The following ADGRF3 variants were observed in gnomAD, a reference collection of about 807,000 sequenced individuals.
ADGRF3 encodes G protein-coupled receptor 113.
Under a neutral mutation model 93.2 loss-of-function variants are expected in ADGRF3, and 85 were observed. The observed-to-expected ratio is 0.91, with a 90% CI of 0.77 to 1.09. The LOEUF (loss-of-function observed/expected upper bound fraction) is 1.09, where lower values mean the gene tolerates loss of function less well. Among genes scored for constraint, ADGRF3 ranks in the 50% least tolerant of loss-of-function variants. The pLI is 0.00. For synonymous variants in ADGRF3, 534 were observed against 532.5 expected, an observed-to-expected ratio of 1.00 and a Z score of -0.04; for missense variants, 1,125 against 1,246.2, an observed-to-expected ratio of 0.90 and a Z score of 1.46.
At chr2:26,315,498 G>T in intron 5 of ADGRF3, 24 bp downstream of exon 5, 1 of 1,542,102 alleles carries the variant, frequency 6.5e-7, no homozygotes, top group Non-Finnish European at 8.8e-7. Flanking sequence ...GAGAAAGGAG[G>T]CAAGGAGAGG....
At chr2:26,343,673 G>A (rs748639497) in intron 1 of ADGRF3, among the ~76,000 whole-genome samples, 1 of 152,182 alleles carries the variant, frequency 6.6e-6, no homozygotes. Context: ...TCGATCTCCT[G>A]ACCTCGTGAT....
rs1217425967 is a variant in ADGRF3 at position 26,312,051 on chromosome 2, CT to C, written c.1472del (p.Lys491ArgfsTer3). The C allele has an allele frequency of 6.2e-7, 1 of 1,610,048 alleles. No homozygotes were observed. The highest frequency in any genetic ancestry group is 1.3e-5 in the African/African-American group (1 of 74,832). On this transcript the variant is annotated frameshift_variant, in exon 10 of 14. Transcript: ENST00000651242. LOFTEE classifies it high-confidence loss of function. ...GAGACCTGGTGTCCATATCTAGGAC[CT>C]TGTCTGTGGCAATCAGGAGATTCTG... is the stretch of plus-strand genomic sequence containing the variant. ...ALKNLLIATD[K>X]VLDMDTRSLW...
At chr2:26,313,344 G>C in intron 8 of ADGRF3, 33 bp downstream of exon 8, 8 of 1,526,552 alleles carry the variant, frequency 5.2e-6, no homozygotes, top group Non-Finnish European at 7.0e-6. Context: ...GGGCCGTGGA[G>C]GGGGCACGTG....
At chr2:26,321,909 G>A (rs2147895939) in intron 1 of ADGRF3, among the ~76,000 whole-genome samples, 1 of 150,362 alleles carries the variant, frequency 6.7e-6, no homozygotes, top group South Asian at 2.1e-4. Context: ...GGAGGTGGAG[G>A]TTGCAGTGAG....
At chr2:26,336,719 CCATAAAAA>C (rs1676065028) in intron 1 of ADGRF3, among the ~76,000 whole-genome samples, 3 of 72,944 alleles carry the variant, frequency 4.1e-5, no homozygotes, top group Non-Finnish European at 7.4e-5. Flanking sequence ...GAGTGAGACT[CCATAAAAA>C]AAAAAAAAAA....
At chr2:26,334,834 A>G (rs1407344997) in intron 1 of ADGRF3, among the ~76,000 whole-genome samples, 1 of 152,214 alleles carries the variant, frequency 6.6e-6, no homozygotes, top group Non-Finnish European at 1.5e-5. Context: ...TGCCTGTAAA[A>G]GTACTAAATT....
intron 3 of ADGRF3, 39 bp downstream of exon 3, chr2:26,316,873 G>A (rs1166084488): frequency 1.3e-6 from 2 of 1,567,360 alleles, no homozygotes; most frequent in Admixed American, 4.1e-5. Flanking sequence ...GGGAGCCTAT[G>A]TTCATTCACT....
intron 2 of ADGRF3, 50 bp from the exon 3 acceptor site, chr2:26,317,105 G>A: frequency 1.3e-6 from 2 of 1,556,696 alleles, no homozygotes. Flanking sequence ...GAGGCCACAA[G>A]CCGGTCCCCT....
At position 26,316,983 on chromosome 2, in the gene ADGRF3, G is replaced by A. The variant is rs1429910914; in HGVS notation, c.254C>T (p.Thr85Ile). 3 of 1,613,376 alleles carry A rather than the reference G, an allele frequency of 1.9e-6. No homozygotes were observed. The highest frequency in any genetic ancestry group is 2.5e-6 in the Non-Finnish European group (3 of 1,179,660). ...DKTWPPELSR[T>I]LTLPAASASS... ...AGCTGAGGCAGCAGGGAGAGTCAGT[G>A]TCCTGGAGAGTTCAGGGGGCCAGGT... Residue 85 changes from threonine (T) to isoleucine (I), a missense_variant, in exon 3 of 14, where the codon ACA (threonine) becomes ATA (isoleucine). Coordinates refer to ENST00000651242, the MANE Select transcript of ADGRF3 (RefSeq NM_001321971.2).
chr2:26,320,791 T>C (rs545737066), intron 1 of ADGRF3, among the ~76,000 whole-genome samples: 1 of 152,314 alleles, frequency 6.6e-6, no homozygotes, highest in East Asian at 1.9e-4. Flanking sequence ...AGCAACACAT[T>C]ACTTAAAGTT....
At chr2:26,345,770 T>C (rs1399916073) in intron 1 of ADGRF3, 1 of 299,586 alleles carries the variant, frequency 3.3e-6, no homozygotes, top group Non-Finnish European at 6.4e-6. Context: ...TAAAACGGTA[T>C]ACCCCAGATC....
chr2:26,319,010 T>C lies in ADGRF3; in HGVS notation c.115-1448A>G, dbSNP rs1344614276. On this transcript the variant is annotated intron_variant, in intron 1 of 13. Coordinates refer to ENST00000651242, the MANE Select transcript of ADGRF3 (RefSeq NM_001321971.2). ...ACTGGTGACCCCAGCAGGGGAAGAG[T>C]TGTGGCCAGGAGCAGCAGTGGGGCA... The C allele has an allele frequency of 4.5e-6, 7 of 1,551,178 alleles. No homozygotes were observed. The Admixed American group carries it at 1.2e-4, about 26-fold the overall frequency.
Position 26,311,600 on chromosome 2 carries a change from C to T in ADGRF3, c.1924G>A (p.Asp642Asn), listed in dbSNP as rs201120157. 3 of 1,613,854 alleles carry T rather than the reference C, an allele frequency of 1.9e-6. No individual in the cohort carries two copies. Among genetic ancestry groups the T allele is most frequent in the Middle Eastern group, 3.3e-4 (2 of 6,062 alleles). Residue 642 changes from aspartate (D) to asparagine (N), a missense_variant, in exon 10 of 14, where the codon GAT becomes AAT. Physicochemically the swap from Asp to Asn is conservative, Grantham distance 23 (BLOSUM62 1). Coordinates refer to ENST00000651242, the MANE Select transcript of ADGRF3 (RefSeq NM_001321971.2). ...GEVIMDFGNT[D>N]GSPHCVFWDH... The stretch of plus-strand genomic sequence containing the variant: ...CAGAAGACACAGTGAGGGGAACCAT[C>T]TGTGTTCCCAAAGTCCATGATGACC...
chr2:26,327,992 T>C (rs981534444), intron 1 of ADGRF3, among the ~76,000 whole-genome samples: 1 of 152,172 alleles, frequency 6.6e-6, no homozygotes, highest in Admixed American at 6.6e-5. Context: ...GGGGACACAT[T>C]CAAACCACAG....
At chr2:26,340,244 A>G (rs1372725353) in intron 1 of ADGRF3, 1 of 152,206 alleles carries the variant, frequency 6.6e-6, no homozygotes, top group Non-Finnish European at 1.5e-5. Context: ...TATACATGTC[A>G]AGGAAAAAGT....
At chr2:26,315,313 T>A (rs1230417985) in intron 5 of ADGRF3, among the ~76,000 whole-genome samples, 3 of 152,016 alleles carry the variant, frequency 2.0e-5, no homozygotes, top group African/African-American at 7.3e-5. Flanking sequence ...ACATTGCAAT[T>A]TTTCACACCA....
At chr2:26,341,090 C>G (rs1403143758) in intron 1 of ADGRF3, among the ~76,000 whole-genome samples, 1 of 152,144 alleles carries the variant, frequency 6.6e-6, no homozygotes, top group Non-Finnish European at 1.5e-5. Flanking sequence ...CATAAAACCA[C>G]TGAGAAGACC....
chr2:26,339,744 G>C (rs542815295), intron 1 of ADGRF3, among the ~76,000 whole-genome samples: 1 of 151,988 alleles, frequency 6.6e-6, no homozygotes, highest in Non-Finnish European at 1.5e-5. Context: ...GGCTAATCTT[G>C]AGATAGGCAG....
At chr2:26,332,880 G>A (rs925426027) in intron 1 of ADGRF3, among the ~76,000 whole-genome samples, 12 of 152,244 alleles carry the variant, frequency 7.9e-5, no homozygotes, top group African/African-American at 2.2e-4. Flanking sequence ...GCCTCCCAAA[G>A]TGCAGGGATT....
Sources: gnomAD v4.1 joint callset for allele counts (sites outside exome capture counted in the v4.1 genomes callset) on GRCh38, gnomAD v4.1.1 for gene constraint, MANE v1.5 for transcripts, NCBI Gene and HGNC (gene_info 2026-07-23, HGNC 2026-07-21) for gene names.